Variants in OGFOD1 observed in about 807,000 individuals in gnomAD.
OGFOD1 encodes the protein prolyl 3-hydroxylase OGFOD1.
A neutral mutation model predicts 67.7 loss-of-function variants in OGFOD1; 54 were observed. The observed-to-expected ratio is 0.80, with a 90% confidence interval of 0.64 to 1.00. OGFOD1 has a LOEUF of 1.00. OGFOD1 is among the 50% of genes least tolerant of loss of function. The pLI is 0.00. For missense variants in OGFOD1, 606 were observed against 646.7 expected (o/e 0.94, Z 0.68); for synonymous variants, 221 against 227.0 (o/e 0.97, Z 0.24).
At chr16:56,451,891 G>A (rs1962350970) in intron 1 of OGFOD1, 125 bp downstream of exon 1, 1 of 1,071,028 alleles carries the variant, frequency 9.3e-7, no homozygotes, top group Admixed American at 2.9e-5. Flanking sequence ...GAGGACTTTG[G>A]CCACCTCCTA....
At chr16:56,474,425 A>G (rs1963358477) in intron 10 of OGFOD1, among the ~76,000 whole-genome samples, 1 of 151,176 alleles carries the variant, frequency 6.6e-6, no homozygotes, top group African/African-American at 2.4e-5. Flanking sequence ...GGCTCAAGCA[A>G]CTCTCCTGCC....
chr16:56,458,515 A>G, intron 2 of OGFOD1, 33 bp from the exon 3 acceptor site: 2 of 1,599,250 alleles, frequency 1.3e-6, no homozygotes, highest in South Asian at 2.2e-5. Context: ...ATGTGAAGGA[A>G]ATCCCTTTTT....
Position 56,466,948 on chromosome 16 carries a change from C to A in OGFOD1, c.638C>A (p.Ser213Tyr). Reference protein sequence around the residue: ...SWNKLVFFEVSPVSFHQVSEV... With the variant: ...SWNKLVFFEVYPVSFHQVSEV... ...AACAAACTGGTTTTCTTTGAAGTAT[C>A]TCCTGTGTCCTTTCACCAGGTAAAG... The change falls in exon 6 of 13, where the codon TCT becomes TAT. Residue 213 changes from serine to tyrosine, a missense_variant. Transcript: ENST00000566157. 6.2e-7 allele frequency: 1 copy of A among 1,611,948 alleles called. No individual in the cohort carries two copies. Among genetic ancestry groups the A allele is most frequent in the Non-Finnish European group, 8.5e-7 (1 of 1,177,998 alleles).
In OGFOD1 at chr16:56,476,116, A is replaced by G; in HGVS notation, c.1540A>G (p.Lys514Glu). The G allele has an allele frequency of 6.2e-7, 1 of 1,613,958 alleles. No individual in the cohort carries two copies. ...AGACAGAGAGACTCTGAAATTTGTC[A>G]AGCATATTAACCACCGAAGCCTGGA... The part of the protein sequence containing the change: ...YRDRETLKFV[K>E]HINHRSLEQK... Residue 514 changes from lysine to glutamate, a missense_variant, in exon 13 of 13, where the codon AAG (lysine) becomes GAG (glutamate). Transcript: ENST00000566157.
Position 56,467,787 on chromosome 16 carries a change from T to TC in OGFOD1, c.787-118_787-117insC. On this transcript the variant is annotated intron_variant, in intron 7 of 12. Coordinates refer to ENST00000566157, the MANE Select transcript of OGFOD1 (RefSeq NM_018233.4). ...TCTCAAGCAGAGTTTTCCAGTACTT[T>TC]AATAGGAGAAACTTATAAAATGAGG... is the stretch of plus-strand genomic sequence containing the variant. 4.4e-6 allele frequency: 3 copies of TC among 684,164 alleles called. No homozygotes were observed. In the South Asian group the frequency reaches 4.9e-5, roughly 11 times the overall value. 42.4% of individuals were successfully genotyped at this position (684,164 alleles called of 1,614,324 possible). A position where few individuals can be genotyped will look rare whatever the true frequency, so the allele number is the denominator to read the frequency against.
chr16:56,459,165 A>G (rs1217760707), intron 3 of OGFOD1, among the ~76,000 whole-genome samples: 2 of 152,030 alleles, frequency 1.3e-5, no homozygotes, highest in Non-Finnish European at 2.9e-5. Context: ...ACATGGAGAA[A>G]CCCTGTCTCT....
At chr16:56,451,829 T>C (rs1962348193) in intron 1 of OGFOD1, 63 bp downstream of exon 1, 2 of 1,565,444 alleles carry the variant, frequency 1.3e-6, no homozygotes, top group East Asian at 2.3e-5. Flanking sequence ...GAAAAAGCCC[T>C]GGGACTCGCG....
In OGFOD1 at chr16:56,462,543, G is replaced by A. The variant is rs1425609703; in HGVS notation, c.357G>A (p.Leu119=). The A allele has an allele frequency of 1.2e-6, 2 of 1,608,160 alleles. No homozygotes were observed. The highest frequency in any genetic ancestry group is 1.1e-5 in the South Asian group (1 of 90,962). The change falls in exon 4 of 13, where the codon CTG becomes CTA. Residue 119 remains leucine (L), a synonymous_variant. Coordinates refer to ENST00000566157, the MANE Select transcript of OGFOD1 (RefSeq NM_018233.4). The stretch of plus-strand genomic sequence containing the variant: ...TTGTTTACATTTCTAGGAAAATTCT[G>A]TTTGAAGATTTCCGGTCCTGGCTTT... ...EPHISTLRKI[L]FEDFRSWLSD... is the part of the protein sequence containing the mutation.
chr16:56,472,193 C>A (rs1039258362), intron 10 of OGFOD1, among the ~76,000 whole-genome samples: 1 of 151,628 alleles, frequency 6.6e-6, no homozygotes, highest in African/African-American at 2.4e-5. Context: ...TGGTCTCAAA[C>A]CCCTAGGCTC....
rs1416971393 is a variant in OGFOD1 at position 56,476,901 on chromosome 16, A to C, written c.*696A>C. ...ATCCCAGCACTTGGGAGGCCAAGGC[A>C]GGCGGATCACCTGAGGTCAGGAGTT... On this transcript the variant is annotated 3_prime_UTR_variant, in exon 13 of 13. Transcript: ENST00000566157. The C allele has an allele frequency of 1.3e-5, 2 of 152,398 alleles. No homozygotes were observed. Among genetic ancestry groups the C allele is most frequent in the African/African-American group, 4.8e-5 (2 of 41,584 alleles). The allele number at this position is 152,398 out of a possible 1,614,324, so 9.4% of individuals were successfully genotyped here.
intron 2 of OGFOD1, chr16:56,454,659 A>C (rs1567544180): frequency 2.0e-5 from 7 of 346,452 alleles, no homozygotes. Flanking sequence ...GGGGGAAAAA[A>C]AAAAGAAAGA....
At chr16:56,472,790 ATTG>A (rs1963258395) in intron 10 of OGFOD1, among the ~76,000 whole-genome samples, 1 of 152,100 alleles carries the variant, frequency 6.6e-6, no homozygotes, top group Admixed American at 6.5e-5. Flanking sequence ...TACCATATAT[ATTG>A]TTCTGTATTT....
rs763740544 is a variant in OGFOD1 at position 56,458,495 on chromosome 16, T to C, written c.301-53T>C. The C allele has an allele frequency of 4.0e-6, 6 of 1,512,136 alleles. No individual in the cohort carries two copies. In the Admixed American group the frequency reaches 6.7e-5, roughly 17 times the overall value. 93.7% of individuals were successfully genotyped at this position (1,512,136 alleles called of 1,614,324 possible). On this transcript the variant is annotated intron_variant, in intron 2 of 12. Transcript: ENST00000566157. ...ACACTCACTAAACTGCTCTCCTTTG[T>C]GTGTCTCTTATGTGAAGGAAATCCC... is the stretch of plus-strand genomic sequence containing the variant.
chr16:56,454,463 G>T (rs1348936079), intron 2 of OGFOD1, among the ~76,000 whole-genome samples: 1 of 150,722 alleles, frequency 6.6e-6, no homozygotes, highest in Non-Finnish European at 1.5e-5. Context: ...TTTTTTGGTG[G>T]ACAGTTTAAT....
intron 2 of OGFOD1, among the ~76,000 whole-genome samples, chr16:56,456,672 A>G (rs77101088): frequency 0.08 from 12,114 of 152,242 alleles, 727 homozygotes; most frequent in East Asian, 0.16. Flanking sequence ...TATTTTTACT[A>G]TACCTTTTCT....
chr16:56,458,399 A>C, intron 2 of OGFOD1, 149 bp from the exon 3 acceptor site: 5 of 695,872 alleles, frequency 7.2e-6, no homozygotes, highest in Non-Finnish European at 1.3e-5. Context: ...CATCCAATGG[A>C]GGGGCCCTGT....
rs1210438224 is a variant in OGFOD1 at position 56,478,103 on chromosome 16, G to C, written c.*1898G>C. 1 of 152,088 alleles carries C rather than the reference G, an allele frequency of 6.6e-6. No homozygotes were observed. The highest frequency in any genetic ancestry group is 2.4e-5 in the African/African-American group (1 of 41,410). 9.4% of individuals were successfully genotyped at this position (152,088 alleles called of 1,614,324 possible). ...AATATCTAGAACTAGTTCTAACATT[G>C]TCTTCCCCTATGCATATGGTAACGA... On this transcript the variant is annotated 3_prime_UTR_variant, in exon 13 of 13. Coordinates refer to ENST00000566157, the MANE Select transcript of OGFOD1 (RefSeq NM_018233.4).
rs56388148 is a variant in OGFOD1, at chr16:56,463,384, GTT to G, written c.448+779_448+780del. On this transcript the variant is annotated intron_variant, in intron 4 of 12. Transcript: ENST00000566157. Reference sequence around the variant, plus strand: ...TACTGCCATGTCATTTCTTTTTTGGGTTTTTTTTTTTTTTTTTTTTTTTTTTT... The same window carrying G: ...TACTGCCATGTCATTTCTTTTTTGGGTTTTTTTTTTTTTTTTTTTTTTTTT... Among the ~76,000 whole-genome samples, 305 of 43,756 alleles carry G rather than the reference GTT, an allele frequency of 7.0e-3. 2 individuals are homozygous for G. Among genetic ancestry groups the G allele is most frequent in the African/African-American group, 0.017 (167 of 9,988 alleles). 28.7% of individuals were successfully genotyped at this position (43,756 alleles called of 152,430 possible). A position where few individuals can be genotyped will look rare whatever the true frequency, so the allele number is the denominator to read the frequency against.
intron 10 of OGFOD1, among the ~76,000 whole-genome samples, chr16:56,473,548 C>A (rs1391907499): frequency 1.3e-5 from 2 of 152,198 alleles, no homozygotes; most frequent in African/African-American, 4.8e-5. Flanking sequence ...TATCAGTCTG[C>A]ACTCCCACCA....
Sources: gnomAD v4.1 joint callset for allele counts (sites outside exome capture counted in the v4.1 genomes callset) on GRCh38, gnomAD v4.1.1 for gene constraint, MANE v1.5 for transcripts, NCBI Gene and HGNC (gene_info 2026-07-23, HGNC 2026-07-21) for gene names.